PLCL1: variants seen among roughly 807,000 people sequenced by gnomAD.
PLCL1 encodes inactive phospholipase C-like protein 1.
In PLCL1, 41 loss-of-function variants were observed where a neutral mutation model predicts 84.4. The observed-to-expected ratio is 0.49, with a 90% CI of 0.38 to 0.63. PLCL1 has a LOEUF of 0.63. Ranked by LOEUF, PLCL1 falls within the 30% of genes least tolerant of loss-of-function variation. The probability of loss-of-function intolerance (pLI) is 0.00; values close to 1 mark genes in which losing one functional copy is unlikely to be tolerated. For synonymous variants in PLCL1, 490 were observed against 488.3 expected (o/e 1.00, Z -0.05); for missense variants, 1,206 against 1,367.8 (o/e 0.88, Z 1.87).
At chr2:197,960,786 A>T (rs1416797845) in intron 1 of PLCL1, among the ~76,000 whole-genome samples, 2 of 152,096 alleles carry the variant, frequency 1.3e-5, no homozygotes, top group African/African-American at 4.8e-5. Flanking sequence ...GGAATTGAGA[A>T]TTAATTCAAT....
At chr2:198,100,425 G>A (rs1693305253) in intron 3 of PLCL1, among the ~76,000 whole-genome samples, 1 of 152,080 alleles carries the variant, frequency 6.6e-6, no homozygotes. Flanking sequence ...ACTGAAGTGA[G>A]CTTTGAGGCC....
Position 198,122,259 on chromosome 2 carries a change from TA to T in PLCL1, c.3105+18332del, listed in dbSNP as rs1010580994. Among the ~76,000 whole-genome samples, 13 of 151,380 alleles carry T rather than the reference TA, an allele frequency of 8.6e-5. No individual in the cohort carries two copies. In the South Asian group the frequency reaches 1.5e-3, roughly 17 times the overall value. ...TTGCCTTTGGTTGCTCATAAGAGGA[TA>T]AAAAAAAAGACACTTTAACTCCCTT... On this transcript the variant is annotated intron_variant, in intron 5 of 5. Transcript: ENST00000428675.
At chr2:197,839,441 G>A (rs2105666837) in intron 1 of PLCL1, among the ~76,000 whole-genome samples, 1 of 152,256 alleles carries the variant, frequency 6.6e-6, no homozygotes, top group South Asian at 2.1e-4. Context: ...TGCAACCTAG[G>A]TCCCTCACAT....
chr2:198,141,359 A>G (rs1694381923), intron 5 of PLCL1, among the ~76,000 whole-genome samples: 1 of 152,082 alleles, frequency 6.6e-6, no homozygotes, highest in Non-Finnish European at 1.5e-5. Flanking sequence ...TCTTGTTAAC[A>G]TCTTGTATAT....
chr2:197,912,912 T>C (rs1209721686), intron 1 of PLCL1, among the ~76,000 whole-genome samples: 3 of 146,548 alleles, frequency 2.0e-5, no homozygotes, highest in African/African-American at 7.5e-5. Flanking sequence ...GTAACTAACC[T>C]GCACAATGTG....
chr2:198,096,978 C>T (rs1023000636), intron 3 of PLCL1, among the ~76,000 whole-genome samples: 12 of 152,204 alleles, frequency 7.9e-5, no homozygotes, highest in Admixed American at 3.9e-4. Flanking sequence ...TATAGTTCCC[C>T]GATTTAGTTT....
At chr2:197,896,897 G>A (rs1688145216) in intron 1 of PLCL1, among the ~76,000 whole-genome samples, 1 of 149,176 alleles carries the variant, frequency 6.7e-6, no homozygotes. Context: ...CTCCAGTTGT[G>A]CTTTTCTGTC....
chr2:198,010,949 C>A (rs1468100021), intron 1 of PLCL1, among the ~76,000 whole-genome samples: 1 of 151,486 alleles, frequency 6.6e-6, no homozygotes, highest in African/African-American at 2.4e-5. Context: ...TTTTTTATTG[C>A]TGTGACATCA....
chr2:198,108,168 T>C (rs922311483), intron 5 of PLCL1, among the ~76,000 whole-genome samples: 5 of 151,952 alleles, frequency 3.3e-5, no homozygotes, highest in African/African-American at 1.2e-4. Flanking sequence ...TTTTAATAAA[T>C]GCTCTTTGTT....
intron 1 of PLCL1, among the ~76,000 whole-genome samples, chr2:198,078,556 A>C (rs1692636061): frequency 6.6e-6 from 1 of 152,116 alleles, no homozygotes; most frequent in Non-Finnish European, 1.5e-5. Flanking sequence ...AGAACTTTTC[A>C]AATATAAATC....
At chr2:198,114,833 A>C (rs1693703365) in intron 5 of PLCL1, among the ~76,000 whole-genome samples, 1 of 151,722 alleles carries the variant, frequency 6.6e-6, no homozygotes, top group African/African-American at 2.4e-5. Flanking sequence ...CTATATATAC[A>C]TATACATATA....
At chr2:197,860,931 G>C (rs145454684) in intron 1 of PLCL1, among the ~76,000 whole-genome samples, 1,957 of 152,266 alleles carry the variant, frequency 0.013, 27 homozygotes, top group South Asian at 0.042. Context: ...TCTTCGTCAT[G>C]AAATCTTTGC....
chr2:197,988,163 C>T (rs1434532313), intron 1 of PLCL1, among the ~76,000 whole-genome samples: 10 of 152,094 alleles, frequency 6.6e-5, no homozygotes, highest in African/African-American at 1.2e-4. Context: ...AAGGAATTGA[C>T]GGTGGGACCT....
intron 1 of PLCL1, among the ~76,000 whole-genome samples, chr2:197,987,174 A>T (rs1054734854): frequency 6.6e-6 from 1 of 152,228 alleles, no homozygotes; most frequent in African/African-American, 2.4e-5. Flanking sequence ...AACACGTATC[A>T]TCTAGATCAG....
At chr2:198,124,575 G>A (rs1203545883) in intron 5 of PLCL1, among the ~76,000 whole-genome samples, 1 of 151,974 alleles carries the variant, frequency 6.6e-6, no homozygotes, top group Non-Finnish European at 1.5e-5. Flanking sequence ...TAGGCTGAGG[G>A]GAGTAGGAAT....
At chr2:198,139,609 A>G (rs977696046) in intron 5 of PLCL1, among the ~76,000 whole-genome samples, 1 of 152,184 alleles carries the variant, frequency 6.6e-6, no homozygotes, top group Non-Finnish European at 1.5e-5. Context: ...TTATTTTAAT[A>G]ATACATGAAT....
intron 1 of PLCL1, among the ~76,000 whole-genome samples, chr2:197,827,392 G>T (rs765189039): frequency 4.6e-5 from 7 of 151,796 alleles, no homozygotes; most frequent in Non-Finnish European, 1.0e-4. Context: ...ATATATATAG[G>T]CATAGTGCCC....
chr2:198,126,597 T>C (rs1303726503), intron 5 of PLCL1, among the ~76,000 whole-genome samples: 1 of 151,998 alleles, frequency 6.6e-6, no homozygotes, highest in Non-Finnish European at 1.5e-5. Context: ...TTTCACACCA[T>C]TAGCAAGTTA....
At chr2:198,052,283 C>CA (rs1278630903) in intron 1 of PLCL1, among the ~76,000 whole-genome samples, 1 of 151,920 alleles carries the variant, frequency 6.6e-6, no homozygotes, top group Non-Finnish European at 1.5e-5. Flanking sequence ...CTCTTGACCT[C>CA]ATCGTGATCC....
Sources: gnomAD v4.1 joint callset for allele counts (sites outside exome capture counted in the v4.1 genomes callset) on GRCh38, gnomAD v4.1.1 for gene constraint, MANE v1.5 for transcripts, NCBI Gene and HGNC (gene_info 2026-07-23, HGNC 2026-07-21) for gene names.